RAB8A: variants seen among roughly 807,000 people sequenced by gnomAD.
The protein encoded by RAB8A is RAB8A, member RAS oncogene family, also known as ras-related protein Rab-8A.
In RAB8A, 5 loss-of-function variants were observed where a neutral mutation model predicts 29.2. The ratio of observed to expected loss-of-function variants is 0.17; its 90% CI spans 0.09 to 0.36. The LOEUF (loss-of-function observed/expected upper bound fraction) is 0.36, where lower values mean the gene tolerates loss of function less well. RAB8A is among the 10% of genes least tolerant of loss of function. The pLI, the probability that RAB8A is intolerant of heterozygous loss-of-function variation, is 1.00. For synonymous variants in RAB8A, 108 were observed against 99.9 expected (o/e 1.08, Z -0.49); for missense variants, 171 against 272.2 (o/e 0.63, Z 2.62).
Position 16,115,018 on chromosome 19 carries a change from G to A in RAB8A, c.124+2993G>A, listed in dbSNP as rs533194042. On this transcript the variant is annotated intron_variant, in intron 1 of 7. Coordinates refer to ENST00000300935, the MANE Select transcript of RAB8A (RefSeq NM_005370.5). Reference sequence around the variant, plus strand: ...CTTGGCCAACCTAACAGTGCTCCTCGATTTTTTGTGTCCCTGTACACGTGT... The same window carrying A: ...CTTGGCCAACCTAACAGTGCTCCTCAATTTTTTGTGTCCCTGTACACGTGT... Among the ~76,000 whole-genome samples, 218 of 151,876 alleles carry A rather than the reference G, an allele frequency of 1.4e-3. 2 individuals are homozygous for A. The highest frequency in any genetic ancestry group is 3.4e-3 in the Middle Eastern group (1 of 294).
At chr19:16,116,226 G>C (rs1433548349) in intron 1 of RAB8A, among the ~76,000 whole-genome samples, 2 of 152,128 alleles carry the variant, frequency 1.3e-5, no homozygotes, top group Admixed American at 6.5e-5. Flanking sequence ...GAGCATGCTT[G>C]GAATGTTGAG....
chr19:16,112,108 G>C lies in RAB8A; in HGVS notation c.124+83G>C, dbSNP rs536057802. The C allele has an allele frequency of 6.5e-6, 10 of 1,548,990 alleles. No homozygotes were observed. The African/African-American group carries it at 1.2e-4, about 19-fold the overall frequency. On this transcript the variant is annotated intron_variant, in intron 1 of 7. Coordinates refer to ENST00000300935, the MANE Select transcript of RAB8A (RefSeq NM_005370.5). ...AGGGGCTGGGGCTGAGGGATCTACA[G>C]GGCTGGACGGGCCGAGGGCGCTGAG... is the stretch of plus-strand genomic sequence containing the variant.
intron 2 of RAB8A, among the ~76,000 whole-genome samples, chr19:16,119,687 A>G (rs943851656): frequency 3.9e-4 from 59 of 152,156 alleles, no homozygotes; most frequent in African/African-American, 1.4e-3. Flanking sequence ...GTGACACTGC[A>G]TCAGCAAGCA....
chr19:16,116,728 G>A (rs1443389848), intron 1 of RAB8A, among the ~76,000 whole-genome samples: 1 of 152,086 alleles, frequency 6.6e-6, no homozygotes, highest in Non-Finnish European at 1.5e-5. Context: ...CCAGCTACTT[G>A]GGAGGCTGTG....
chr19:16,125,372 G>A lies in RAB8A; in HGVS notation c.247-98G>A. Reference sequence around the variant, plus strand: ...CAGCTAATGGGCCTGGCTGTGCAGTGGGTGCTGGGCTCCCCACCACTGTTC... The same window carrying A: ...CAGCTAATGGGCCTGGCTGTGCAGTAGGTGCTGGGCTCCCCACCACTGTTC... On this transcript the variant is annotated intron_variant, in intron 3 of 7. Transcript: ENST00000300935. The surrounding 1 kb of genome is among the most constrained non-coding windows in gnomAD (Gnocchi z 5.0). The A allele has an allele frequency of 9.6e-7, 1 of 1,046,270 alleles. No individual in the cohort carries two copies. Among genetic ancestry groups the A allele is most frequent in the Admixed American group, 2.0e-5 (1 of 50,788 alleles). The allele number at this position is 1,046,270 out of a possible 1,614,324, so 64.8% of individuals were successfully genotyped here.
At chr19:16,115,149 G>A (rs903579265) in intron 1 of RAB8A, among the ~76,000 whole-genome samples, 1 of 151,112 alleles carries the variant, frequency 6.6e-6, no homozygotes, top group East Asian at 1.9e-4. Flanking sequence ...TTAGCCATAC[G>A]TGGTGGCGCT....
rs199515060 is a variant in RAB8A, at chr19:16,130,663, A to AT, written c.531+1069dup. On this transcript the variant is annotated intron_variant, in intron 7 of 7. Transcript: ENST00000300935. ...AGTTTTCTTATTAGTTAAAAAAGAG[A>AT]TTTTTTTTTTAGAGTCTCACTTTGC... Among the ~76,000 whole-genome samples the AT allele has an allele frequency of 3.7e-4, 55 of 149,254 alleles. 1 individual carries two copies. Among genetic ancestry groups the AT allele is most frequent in the South Asian group, 3.0e-3 (14 of 4,672 alleles).
chr19:16,129,680 C>G lies in RAB8A; in HGVS notation c.531+76C>G, dbSNP rs369936624. ...ATCGTCGTTAGCAGCAGTGATATGA[C>G]GTGCCCTAGATCCTGCTTTTTAGGG... is the stretch of plus-strand genomic sequence containing the variant. On this transcript the variant is annotated intron_variant, in intron 7 of 7. Coordinates refer to ENST00000300935, the MANE Select transcript of RAB8A (RefSeq NM_005370.5). 16 of 1,447,168 alleles carry G rather than the reference C, an allele frequency of 1.1e-5. No individual in the cohort carries two copies. The African/African-American group carries it at 2.2e-4, about 20-fold the overall frequency. 89.6% of individuals were successfully genotyped at this position (1,447,168 alleles called of 1,614,324 possible). A position where few individuals can be genotyped will look rare whatever the true frequency, so the allele number is the denominator to read the frequency against.
intron 1 of RAB8A, among the ~76,000 whole-genome samples, chr19:16,115,439 A>G (rs2090842141): frequency 6.6e-6 from 1 of 152,308 alleles, no homozygotes; most frequent in East Asian, 1.9e-4. Flanking sequence ...CAGAAGCCCC[A>G]TAGATCATTT....
chr19:16,123,060 CTGTG>C (rs1182770015), intron 3 of RAB8A, among the ~76,000 whole-genome samples: 1 of 152,234 alleles, frequency 6.6e-6, no homozygotes, highest in African/African-American at 2.4e-5. Context: ...TGCATTTTGG[CTGTG>C]AACCTCTTTG....
At position 16,122,739 on chromosome 19, in the gene RAB8A, T is replaced by C. The variant is rs538900750; in HGVS notation, c.246+929T>C. On this transcript the variant is annotated intron_variant, in intron 3 of 7. Coordinates refer to ENST00000300935, the MANE Select transcript of RAB8A (RefSeq NM_005370.5). The surrounding 1 kb of genome is among the most constrained non-coding windows in gnomAD (Gnocchi z 4.7). ...TGGAGGGTGGAGATGGAAGGAGGCA[T>C]TATGTGTTTAGAGCATCCCACACGG... 6.6e-6 allele frequency among the ~76,000 whole-genome samples: 1 copy of C among 151,974 alleles called. No individual in the cohort carries two copies. The highest frequency in any genetic ancestry group is 1.5e-5 in the Non-Finnish European group (1 of 67,984).
At chr19:16,119,894 A>G (rs947481660) in intron 2 of RAB8A, among the ~76,000 whole-genome samples, 2 of 151,372 alleles carry the variant, frequency 1.3e-5, no homozygotes, top group African/African-American at 4.9e-5. Flanking sequence ...GCTCACTGCA[A>G]CCTCCGCCTC....
rs376461998 is a variant in RAB8A, at chr19:16,127,692, G to T, written c.414+166G>T. ...GCACACACCCAGCCGGGGCTTCTTG[G>T]GTGCACTCTGCGGGCATCTCATCAA... On this transcript the variant is annotated intron_variant, in intron 5 of 7. Coordinates refer to ENST00000300935, the MANE Select transcript of RAB8A (RefSeq NM_005370.5). The surrounding 1 kb of genome is among the most constrained non-coding windows in gnomAD (Gnocchi z 4.8). 1.4e-3 allele frequency: 886 copies of T among 619,682 alleles called. 11 individuals are homozygous for T. The highest frequency in any genetic ancestry group is 0.011 in the South Asian group (513 of 47,646). The allele number at this position is 619,682 out of a possible 1,614,324, so 38.4% of individuals were successfully genotyped here.
intron 6 of RAB8A, 77 bp downstream of exon 6, chr19:16,128,168 T>G: frequency 6.8e-7 from 1 of 1,474,126 alleles, no homozygotes. Flanking sequence ...GCTGGCGTCC[T>G]CCGAGGAGGT....
In RAB8A at chr19:16,127,916, C is replaced by A; in HGVS notation, c.415-110C>A. ...AGGAAGTCACGCCCACAGCCCCAGCCCTGTTGCTGCTCCCTCTTGGCGCCG... is the reference window on the plus strand; with the variant it reads ...AGGAAGTCACGCCCACAGCCCCAGCACTGTTGCTGCTCCCTCTTGGCGCCG... On this transcript the variant is annotated intron_variant, in intron 5 of 7. Coordinates refer to ENST00000300935, the MANE Select transcript of RAB8A (RefSeq NM_005370.5). The surrounding 1 kb of genome is among the most constrained non-coding windows in gnomAD (Gnocchi z 4.8). 1 of 1,093,220 alleles carries A rather than the reference C, an allele frequency of 9.1e-7. No individual in the cohort carries two copies. The allele number at this position is 1,093,220 out of a possible 1,614,324, so 67.7% of individuals were successfully genotyped here. A position where few individuals can be genotyped will look rare whatever the true frequency, so the allele number is the denominator to read the frequency against.
intron 1 of RAB8A, among the ~76,000 whole-genome samples, chr19:16,117,423 A>C (rs934973765): frequency 6.6e-6 from 1 of 151,498 alleles, no homozygotes. Flanking sequence ...TGGGAGACAG[A>C]GGCTGCAGTG....
chr19:16,127,479 T>G lies in RAB8A; in HGVS notation c.367T>G (p.Cys123Gly). 3 of 1,536,884 alleles carry G rather than the reference T, an allele frequency of 2.0e-6. No individual in the cohort carries two copies. Among genetic ancestry groups the G allele is most frequent in the Non-Finnish European group, 2.6e-6 (3 of 1,146,380 alleles). ...DVEKMILGNK[C>G]DVNDKRQVSK... ...CGAAAAGATGATACTCGGGAACAAG[T>G]GTGATGTGAATGACAAGAGACAAGT... is the stretch of plus-strand genomic sequence containing the variant. The change falls in exon 5 of 8, where the codon TGT (cysteine) becomes GGT (glycine). Residue 123 changes from cysteine (C) to glycine (G), a missense_variant. Transcript: ENST00000300935. This position sits in a 1 kb window ranked among gnomAD's most constrained non-coding sequence, Gnocchi z 4.8.
chr19:16,123,125 C>G (rs1229525542), intron 3 of RAB8A, among the ~76,000 whole-genome samples: 1 of 152,196 alleles, frequency 6.6e-6, no homozygotes, highest in Non-Finnish European at 1.5e-5. Flanking sequence ...TGAGGTTTGG[C>G]CCGGTGGCCT....
Position 16,125,197 on chromosome 19 carries a change from G to A in RAB8A, c.247-273G>A, listed in dbSNP as rs895585693. The A allele has an allele frequency of 1.5e-5, 8 of 533,778 alleles. No individual in the cohort carries two copies. Among genetic ancestry groups the A allele is most frequent in the African/African-American group, 3.8e-5 (2 of 52,580 alleles). The allele number at this position is 533,778 out of a possible 1,614,324, so 33.1% of individuals were successfully genotyped here. A position where few individuals can be genotyped will look rare whatever the true frequency, so the allele number is the denominator to read the frequency against. On this transcript the variant is annotated intron_variant, in intron 3 of 7. Coordinates refer to ENST00000300935, the MANE Select transcript of RAB8A (RefSeq NM_005370.5). The surrounding 1 kb of genome is among the most constrained non-coding windows in gnomAD (Gnocchi z 5.0). ...GCCAGCCGGGCTTGTCAGCGAGTGC[G>A]TGGCAGGGGCTGGCCTGTGAGGCAG...
Sources: gnomAD v4.1 joint callset for allele counts (sites outside exome capture counted in the v4.1 genomes callset) on GRCh38, gnomAD v4.1.1 for gene constraint, Gnocchi (gnomAD v3.1) non-coding constraint, MANE v1.5 for transcripts, NCBI Gene and HGNC (gene_info 2026-07-23, HGNC 2026-07-21) for gene names.